The following MTSS1 variants were observed in gnomAD, a reference collection of about 807,000 sequenced individuals.
The protein encoded by MTSS1 is MTSS I-BAR domain containing 1.
MTSS1 carries 18 observed loss-of-function variants against 79.0 expected under a neutral mutation model. The observed-to-expected ratio is 0.23, with a 90% CI of 0.16 to 0.34. The LOEUF is 0.34. Ranked by LOEUF, MTSS1 falls within the 10% of genes least tolerant of loss-of-function variation. The pLI is 1.00. For synonymous variants in MTSS1, 341 were observed against 368.6 expected (o/e 0.93, Z 0.86); for missense variants, 815 against 986.2 (o/e 0.83, Z 2.33).
intron 3 of MTSS1, among the ~76,000 whole-genome samples, chr8:124,684,641 G>A (rs551914197): frequency 1.4e-4 from 22 of 151,796 alleles, no homozygotes; most frequent in African/African-American, 5.3e-4. Flanking sequence ...CTTTGTGAGT[G>A]TGCCAGACAG....
chr8:124,580,755 C>CTAA (rs1484840146), intron 6 of MTSS1: 1 of 563,842 alleles, frequency 1.8e-6, no homozygotes, highest in Non-Finnish European at 3.2e-6. Flanking sequence ...CTCTGCCTTA[C>CTAA]TAATATCTTC....
At chr8:124,659,959 C>T (rs1235844370) in intron 3 of MTSS1, among the ~76,000 whole-genome samples, 1 of 152,138 alleles carries the variant, frequency 6.6e-6, no homozygotes, top group African/African-American at 2.4e-5. Flanking sequence ...CTCCTAAAAC[C>T]AGACCTTGTG....
intron 3 of MTSS1, among the ~76,000 whole-genome samples, chr8:124,594,349 G>T (rs973299045): frequency 6.6e-6 from 1 of 152,148 alleles, no homozygotes; most frequent in East Asian, 1.9e-4. Context: ...TGGCCAACAT[G>T]ATGAAACCTC....
At chr8:124,662,784 C>T (rs537045565) in intron 3 of MTSS1, among the ~76,000 whole-genome samples, 44 of 152,232 alleles carry the variant, frequency 2.9e-4, no homozygotes, top group South Asian at 6.2e-4. Flanking sequence ...CCTGCCCTCC[C>T]ACGGGTTAAA....
chr8:124,587,594 G>T (rs1261192781), intron 5 of MTSS1, among the ~76,000 whole-genome samples: 1 of 152,208 alleles, frequency 6.6e-6, no homozygotes, highest in Non-Finnish European at 1.5e-5. Flanking sequence ...CGCCTCCTGA[G>T]TTCAAGTGAT....
At chr8:124,695,259 A>T (rs1828600868) in intron 3 of MTSS1, among the ~76,000 whole-genome samples, 2 of 152,196 alleles carry the variant, frequency 1.3e-5, no homozygotes, top group South Asian at 4.1e-4. Context: ...GCTAGCTTGA[A>T]ATGCTGGGCA....
At position 124,551,673 on chromosome 8, in the gene MTSS1, C is replaced by T. The variant is rs765665043; in HGVS notation, c.*1319G>A. On this transcript the variant is annotated 3_prime_UTR_variant, in exon 14 of 14. Transcript: ENST00000518547. ...ATGTGATCCCTTTAAATCTACAAATCTCTGTTGGCTTTAGGGGATGGGCAG... is the reference window on the plus strand; with the variant it reads ...ATGTGATCCCTTTAAATCTACAAATTTCTGTTGGCTTTAGGGGATGGGCAG... 6 of 152,262 alleles carry T rather than the reference C, an allele frequency of 3.9e-5. No homozygotes were observed. The highest frequency in any genetic ancestry group is 8.8e-5 in the Non-Finnish European group (6 of 68,034). The allele number at this position is 152,262 out of a possible 1,614,324, so 9.4% of individuals were successfully genotyped here.
intron 3 of MTSS1, among the ~76,000 whole-genome samples, chr8:124,659,166 G>T: frequency 8.7e-6 from 1 of 115,286 alleles, no homozygotes; most frequent in Non-Finnish European, 1.8e-5. Context: ...AATCATGGAT[G>T]ATTCGATGAA....
chr8:124,568,177 G>T, intron 7 of MTSS1: 2 of 702,896 alleles, frequency 2.8e-6, no homozygotes, highest in Non-Finnish European at 4.5e-6. Flanking sequence ...AAGTAACGGG[G>T]AACAAGTGGT....
chr8:124,591,117 G>T (rs749136906), intron 4 of MTSS1, 34 bp downstream of exon 4: 7 of 1,569,370 alleles, frequency 4.5e-6, no homozygotes, highest in South Asian at 1.1e-5. Flanking sequence ...ATCTGCAAGG[G>T]TGTTGGCGAT....
At chr8:124,690,726 C>T (rs1038345247) in intron 3 of MTSS1, among the ~76,000 whole-genome samples, 11 of 152,178 alleles carry the variant, frequency 7.2e-5, no homozygotes, top group African/African-American at 1.7e-4. Flanking sequence ...AGGAGGGATT[C>T]GTTTTATCAG....
At chr8:124,615,181 T>C (rs4870912) in intron 3 of MTSS1, among the ~76,000 whole-genome samples, 39,544 of 151,786 alleles carry the variant, frequency 0.26, 7,011 homozygotes, top group African/African-American at 0.5. Flanking sequence ...GAGGATTAGG[T>C]TAGAGCAAGA....
intron 3 of MTSS1, among the ~76,000 whole-genome samples, chr8:124,594,189 T>C (rs1332261919): frequency 6.6e-6 from 1 of 152,226 alleles, no homozygotes; most frequent in Non-Finnish European, 1.5e-5. Context: ...TTCCCATAGA[T>C]TGCCACTGGT....
At chr8:124,578,300 T>C (rs1033875634) in intron 6 of MTSS1, among the ~76,000 whole-genome samples, 1 of 152,162 alleles carries the variant, frequency 6.6e-6, no homozygotes, top group Non-Finnish European at 1.5e-5. Context: ...GTGACACGTC[T>C]ACCCTTCACC....
chr8:124,574,702 AG>A (rs1337322570), intron 6 of MTSS1, among the ~76,000 whole-genome samples: 2 of 152,226 alleles, frequency 1.3e-5, no homozygotes, highest in East Asian at 3.9e-4. Flanking sequence ...TCTCTGGCAA[AG>A]GGCTCTCCAA....
At chr8:124,649,021 C>T (rs1819496391) in intron 3 of MTSS1, among the ~76,000 whole-genome samples, 1 of 152,260 alleles carries the variant, frequency 6.6e-6, no homozygotes, top group Non-Finnish European at 1.5e-5. Flanking sequence ...TGTGGGCAAC[C>T]TGCCATCCTT....
At chr8:124,662,983 G>A (rs1258808409) in intron 3 of MTSS1, among the ~76,000 whole-genome samples, 1 of 152,032 alleles carries the variant, frequency 6.6e-6, no homozygotes, top group Non-Finnish European at 1.5e-5. Flanking sequence ...GGTAACCAAG[G>A]GGCAGCTGCT....
intron 2 of MTSS1, among the ~76,000 whole-genome samples, chr8:124,700,531 T>C (rs1829559800): frequency 6.6e-6 from 1 of 152,344 alleles, no homozygotes; most frequent in East Asian, 1.9e-4. Context: ...GAAACTGAGA[T>C]ACTACTGTTT....
At chr8:124,611,645 G>A (rs191095946) in intron 3 of MTSS1, among the ~76,000 whole-genome samples, 22 of 152,196 alleles carry the variant, frequency 1.4e-4, no homozygotes, top group East Asian at 1.4e-3. Context: ...TAATCACTCC[G>A]GGCTGACACA....
Sources: allele counts gnomAD v4.1 joint callset (sites outside exome capture counted in the v4.1 genomes callset), GRCh38; gene constraint gnomAD v4.1.1; transcripts MANE v1.5; gene names NCBI Gene and HGNC (gene_info 2026-07-23, HGNC 2026-07-21).